CCDC88B: variants seen among roughly 807,000 people sequenced by gnomAD.
CCDC88B encodes coiled-coil and HOOK domain protein 88B, also known as coiled-coil domain-containing protein 88B.
A neutral mutation model predicts 183.7 loss-of-function variants in CCDC88B; 138 were observed. The observed-to-expected ratio is 0.75, with a 90% confidence interval of 0.65 to 0.87. The LOEUF (loss-of-function observed/expected upper bound fraction) is 0.87, where lower values mean the gene tolerates loss of function less well. Ranked by LOEUF, CCDC88B falls within the 40% of genes least tolerant of loss-of-function variation. The probability of loss-of-function intolerance (pLI) is 0.00; values close to 1 mark genes in which losing one functional copy is unlikely to be tolerated. For synonymous variants in CCDC88B, 835 were observed against 867.5 expected (o/e 0.96, Z 0.66); for missense variants, 1,822 against 1,965.6 (o/e 0.93, Z 1.38).
chr11:64,343,418 G>A lies in CCDC88B; in HGVS notation c.1210-89G>A, dbSNP rs913117847. The A allele has an allele frequency of 2.6e-6, 4 of 1,540,126 alleles. No individual in the cohort carries two copies. In the Admixed American group the frequency reaches 5.9e-5, roughly 23 times the overall value. Reference sequence around the variant, plus strand: ...GTCCCTAGTGATTCTTGCAACCTCTGCTCTTGGTGACCTCTAGTGACCCTC... The same window carrying A: ...GTCCCTAGTGATTCTTGCAACCTCTACTCTTGGTGACCTCTAGTGACCCTC... On this transcript the variant is annotated intron_variant, in intron 11 of 26. Coordinates refer to ENST00000356786, the MANE Select transcript of CCDC88B (RefSeq NM_032251.6).
chr11:64,347,243 G>T (rs1358088575), intron 14 of CCDC88B, among the ~76,000 whole-genome samples: 1 of 152,230 alleles, frequency 6.6e-6, no homozygotes, highest in South Asian at 2.1e-4. Context: ...CTAAGGAAGG[G>T]GTTAGGGCTT....
At position 64,352,802 on chromosome 11, in the gene CCDC88B, G is replaced by T; in HGVS notation, c.3415G>T (p.Ala1139Ser). 1.2e-6 allele frequency: 2 copies of T among 1,613,376 alleles called. No individual in the cohort carries two copies. The highest frequency in any genetic ancestry group is 1.7e-6 in the Non-Finnish European group (2 of 1,179,952). The part of the protein sequence containing the change: ...SVEAQEVALL[A>S]ERERLMQDGH... ...GGAGGCACAGGAGGTGGCCCTGCTG[G>T]CAGAGCGTGAACGCCTGATGCAAGA... The change falls in exon 20 of 27, where the codon GCA becomes TCA. Residue 1139 changes from alanine to serine, a missense_variant. Transcript: ENST00000356786.
In CCDC88B at chr11:64,340,724, G is replaced by T. The variant is rs1275944040; in HGVS notation, c.178G>T (p.Ala60Ser). ...EKRFLRLSDG[A>S]LLLRVLGIIA... ...GAGATTCCTGCGCCTCAGCGATGGG[G>T]CCCTGCTCCTCCGGGTGCTGGGCAT... Residue 60 changes from alanine (A) to serine (S), a missense_variant, in exon 2 of 27, where the codon GCC (alanine) becomes TCC (serine). Physicochemically the swap from Ala to Ser is moderately conservative, Grantham distance 99. Coordinates refer to ENST00000356786, the MANE Select transcript of CCDC88B (RefSeq NM_032251.6). 3 of 1,612,092 alleles carry T rather than the reference G, an allele frequency of 1.9e-6. No homozygotes were observed. The highest frequency in any genetic ancestry group is 1.7e-6 in the Non-Finnish European group (2 of 1,179,570).
rs982044169 is a variant in CCDC88B, at chr11:64,351,322, G to A, written c.2958+67G>A. 2.1e-5 allele frequency: 31 copies of A among 1,500,156 alleles called. No homozygotes were observed. The South Asian group carries it at 3.8e-4, about 19-fold the overall frequency. The allele number at this position is 1,500,156 out of a possible 1,614,324, so 92.9% of individuals were successfully genotyped here. On this transcript the variant is annotated intron_variant, in intron 17 of 26. Transcript: ENST00000356786. ...GCAGTGTGAGTGTGGGTCCACGGTG[G>A]ACCCTGGGCTGGGGGGTATCCCGTG...
Position 64,343,229 on chromosome 11 carries a change from A to G in CCDC88B, c.1113A>G (p.Glu371=). 6.5e-7 allele frequency: 1 copy of G among 1,546,564 alleles called. No homozygotes were observed. The highest frequency in any genetic ancestry group is 8.7e-7 in the Non-Finnish European group (1 of 1,146,068). ...TGGAGGCGTCCAAGGCGCTGCTGGA[A>G]GAGCAGCTGGAGGCTGCCCGAGAGC... is the stretch of plus-strand genomic sequence containing the variant. ...GVLEASKALL[E]EQLEAARERC... is the part of the protein sequence containing the mutation. The change falls in exon 11 of 27, where the codon GAA becomes GAG. Residue 371 remains glutamate (E), a synonymous_variant. Coordinates refer to ENST00000356786, the MANE Select transcript of CCDC88B (RefSeq NM_032251.6).
chr11:64,353,492 T>A lies in CCDC88B; in HGVS notation c.3829T>A (p.Tyr1277Asn), dbSNP rs1591298476. Residue 1277 changes from tyrosine (Y) to asparagine (N), a missense_variant, in exon 22 of 27, where the codon TAC becomes AAC. Physicochemically the swap from Tyr to Asn is moderately radical, Grantham distance 143. Transcript: ENST00000356786. The stretch of plus-strand genomic sequence containing the variant: ...CCACCTGCACCGCGAACAGCGGGAG[T>A]ACCTGTGAGTGGGCCGCCTGGGAGC... ...RDHLHREQRE[Y>N]LDQLNALRRE... 2 of 1,610,510 alleles carry A rather than the reference T, an allele frequency of 1.2e-6. No homozygotes were observed. The highest frequency in any genetic ancestry group is 1.7e-6 in the Non-Finnish European group (2 of 1,179,430).
intron 14 of CCDC88B, among the ~76,000 whole-genome samples, chr11:64,345,613 A>G (rs2036077550): frequency 1.3e-5 from 2 of 152,182 alleles, no homozygotes; most frequent in Admixed American, 1.3e-4. Context: ...CTGATGCCCA[A>G]GTGGAGGCAA....
intron 25 of CCDC88B, 55 bp downstream of exon 25, chr11:64,355,455 C>G: frequency 6.3e-7 from 1 of 1,582,484 alleles, no homozygotes; most frequent in Non-Finnish European, 8.6e-7. Context: ...GTGGACCCAC[C>G]AGCTCCTTGG....
In CCDC88B at chr11:64,355,340, AG is replaced by A; in HGVS notation, c.4248del (p.Arg1416SerfsTer193). 1 of 1,594,692 alleles carries A rather than the reference AG, an allele frequency of 6.3e-7. No homozygotes were observed. The highest frequency in any genetic ancestry group is 8.5e-7 in the Non-Finnish European group (1 of 1,171,600). On this transcript the variant is annotated frameshift_variant, in exon 25 of 27. Coordinates refer to ENST00000356786, the MANE Select transcript of CCDC88B (RefSeq NM_032251.6). LOFTEE classifies it high-confidence loss of function. ...SESFSPGDTP[R>X]QRFRQRHPGP... Reference sequence around the variant, plus strand: ...GTCATTCAGCCCTGGGGACACCCCTAGGCAACGATTCCGACAGCGCCATCCA... The same window carrying A: ...GTCATTCAGCCCTGGGGACACCCCTAGCAACGATTCCGACAGCGCCATCCA...
chr11:64,343,391 T>C (rs1448282170), intron 11 of CCDC88B, 66 bp downstream of exon 11: 1 of 1,538,692 alleles, frequency 6.5e-7, no homozygotes, highest in East Asian at 2.5e-5. Flanking sequence ...GATTCCCTAG[T>C]GGTCCCTAGT....
rs780253654 is a variant in CCDC88B, at chr11:64,341,056, A to T, written c.318+38A>T. ...GAGGGAAAGGCGGAGACAGGAGGGG[A>T]AGAGGAGCCCCTTCGGGAAGGCGCC... On this transcript the variant is annotated intron_variant, in intron 3 of 26. Transcript: ENST00000356786. 19 of 1,613,556 alleles carry T rather than the reference A, an allele frequency of 1.2e-5. No individual in the cohort carries two copies. The South Asian group carries it at 1.9e-4, about 16-fold the overall frequency.
In CCDC88B at chr11:64,340,220, C is replaced by T; in HGVS notation, c.-47C>T. 1 of 1,191,038 alleles carries T rather than the reference C, an allele frequency of 8.4e-7. No homozygotes were observed. Among genetic ancestry groups the T allele is most frequent in the Non-Finnish European group, 1.1e-6 (1 of 927,844 alleles). 73.8% of individuals were successfully genotyped at this position (1,191,038 alleles called of 1,614,324 possible). On this transcript the variant is annotated 5_prime_UTR_variant, in exon 1 of 27. Coordinates refer to ENST00000356786, the MANE Select transcript of CCDC88B (RefSeq NM_032251.6). The stretch of plus-strand genomic sequence containing the variant: ...CCACTCGGGGACTTCCTCTTCCTCT[C>T]AGGGCAGGTGCAGCTGCCACAGTGA...
chr11:64,343,891 C>T lies in CCDC88B; in HGVS notation c.1432C>T (p.Leu478Phe). The change falls in exon 13 of 27, where the codon CTT becomes TTT. Residue 478 changes from leucine (L) to phenylalanine (F), a missense_variant. Leu to Phe is a conservative substitution (Grantham distance 22). Transcript: ENST00000356786. Reference sequence around the variant, plus strand: ...GGAGCTTCGGGGGCTGCTTCAGGTGCTTCAGGGGCAGCCAGGGGGCCAGGT... The same window carrying T: ...GGAGCTTCGGGGGCTGCTTCAGGTGTTTCAGGGGCAGCCAGGGGGCCAGGT... ...NRELRGLLQV[L>F]QGQPGGQHPL... 6.2e-7 allele frequency: 1 copy of T among 1,604,888 alleles called. No homozygotes were observed. Among genetic ancestry groups the T allele is most frequent in the South Asian group, 1.1e-5 (1 of 89,774 alleles).
chr11:64,348,722 T>C (rs2036212443), intron 14 of CCDC88B: 2 of 436,644 alleles, frequency 4.6e-6, no homozygotes, highest in Non-Finnish European at 8.2e-6. Flanking sequence ...GCCCCCCATG[T>C]GGCAGAATGG....
Position 64,345,128 on chromosome 11 carries a change from G to T in CCDC88B, c.2587G>T (p.Glu863Ter), listed in dbSNP as rs866512705. ...GRQHLEEAERERREKEALQAE... is the reference protein window; with the variant it reads ...GRQHLEEAER ...CCAGCACTTGGAGGAGGCTGAGAGG[G>T]AGCGCCGGGAGAAGGAGGCCCTCCA... Residue 863 changes from glutamate to a stop codon, truncating the protein, a stop_gained, in exon 14 of 27, where the codon GAG becomes TAG. Transcript: ENST00000356786. LOFTEE classifies it high-confidence loss of function. 1 of 1,547,514 alleles carries T rather than the reference G, an allele frequency of 6.5e-7. No homozygotes were observed. The highest frequency in any genetic ancestry group is 2.4e-5 in the East Asian group (1 of 42,280).
At chr11:64,351,059 C>T in intron 16 of CCDC88B, 101 bp from the exon 17 acceptor site, 1 of 793,928 alleles carries the variant, frequency 1.3e-6, no homozygotes, top group Non-Finnish European at 1.9e-6. Flanking sequence ...GTGGACTAGG[C>T]TAAATGCTGC....
In CCDC88B at chr11:64,354,002, A is replaced by T; in HGVS notation, c.3933-2A>T. 6.8e-7 allele frequency: 1 copy of T among 1,476,094 alleles called. No individual in the cohort carries two copies. Among genetic ancestry groups the T allele is most frequent in the Non-Finnish European group, 9.0e-7 (1 of 1,107,778 alleles). 91.4% of individuals were successfully genotyped at this position (1,476,094 alleles called of 1,614,324 possible). On this transcript the variant is annotated splice_acceptor_variant, in intron 23 of 26. Transcript: ENST00000356786. LOFTEE classifies it high-confidence loss of function. ...CCCCCTCTTGTGCCCTCTTGCCCCCAGGAAGGGCAGCTGGCTGGCAGACAA... is the reference window on the plus strand; with the variant it reads ...CCCCCTCTTGTGCCCTCTTGCCCCCTGGAAGGGCAGCTGGCTGGCAGACAA...
At chr11:64,342,244 G>A (rs1190366765) in intron 8 of CCDC88B, 50 bp from the exon 9 acceptor site, 1 of 1,574,000 alleles carries the variant, frequency 6.4e-7, no homozygotes, top group Non-Finnish European at 8.6e-7. Flanking sequence ...CCTGGGAAGG[G>A]CTGGGGGTTG....
chr11:64,342,731 A>T (rs898988084), intron 10 of CCDC88B, 51 bp downstream of exon 10: 19 of 1,439,556 alleles, frequency 1.3e-5, no homozygotes, highest in Non-Finnish European at 1.5e-5. Context: ...GGGGCGGGCC[A>T]GGAGGAGGGG....
Sources: allele counts gnomAD v4.1 joint callset (sites outside exome capture counted in the v4.1 genomes callset), GRCh38; gene constraint gnomAD v4.1.1; transcripts MANE v1.5; gene names NCBI Gene and HGNC (gene_info 2026-07-23, HGNC 2026-07-21).